Variants in NRXN1 observed in about 807,000 individuals in gnomAD.
The protein encoded by NRXN1 is neurexin-1.
NRXN1 carries 39 observed loss-of-function variants against 150.9 expected under a neutral mutation model. That is an observed-to-expected ratio of 0.26 (90% CI 0.20 to 0.34). The LOEUF is 0.34. Ranked by LOEUF, NRXN1 falls within the 10% of genes least tolerant of loss-of-function variation. The probability of loss-of-function intolerance (pLI) is 1.00; values close to 1 mark genes in which losing one functional copy is unlikely to be tolerated. For missense variants in NRXN1, 1,815 were observed against 1,949.9 expected (o/e 0.93, Z 1.30); for synonymous variants, 924 against 757.0 (o/e 1.22, Z -3.62).
At chr2:50,654,425 A>G (rs1448904327) in intron 5 of NRXN1, among the ~76,000 whole-genome samples, 2 of 151,700 alleles carry the variant, frequency 1.3e-5, no homozygotes, top group Non-Finnish European at 2.9e-5. Flanking sequence ...AATCTAGTCT[A>G]TCATTGTTGG....
chr2:50,583,006 C>A (rs1164405186), intron 8 of NRXN1, among the ~76,000 whole-genome samples: 1 of 151,950 alleles, frequency 6.6e-6, no homozygotes, highest in African/African-American at 2.4e-5. Context: ...TCTCTCTGAT[C>A]CCATTATTCA....
chr2:50,479,808 C>G (rs1382272193), intron 15 of NRXN1, among the ~76,000 whole-genome samples: 2 of 101,944 alleles, frequency 2.0e-5, no homozygotes, highest in South Asian at 3.3e-4. Context: ...GAGTCTTGCT[C>G]CGTTGCCCAG....
At chr2:50,023,886 A>G (rs2152562061) in intron 21 of NRXN1, 1 of 152,358 alleles carries the variant, frequency 6.6e-6, no homozygotes, top group Admixed American at 6.5e-5. Context: ...TATGCCACCA[A>G]GAAAAATTAA....
At chr2:49,984,617 C>G (rs1434496338) in intron 21 of NRXN1, among the ~76,000 whole-genome samples, 1 of 151,800 alleles carries the variant, frequency 6.6e-6, no homozygotes, top group Non-Finnish European at 1.5e-5. Flanking sequence ...TGGGCCATTT[C>G]TTTACTTAGT....
At chr2:50,747,566 C>T (rs1700159327) in intron 5 of NRXN1, among the ~76,000 whole-genome samples, 1 of 152,074 alleles carries the variant, frequency 6.6e-6, no homozygotes, top group South Asian at 2.1e-4. Context: ...GGAATTCCAA[C>T]TTCGATTCAG....
intron 17 of NRXN1, among the ~76,000 whole-genome samples, chr2:50,249,581 T>G (rs573372800): frequency 3.0e-4 from 45 of 152,218 alleles, no homozygotes; most frequent in African/African-American, 1.0e-3. Flanking sequence ...GACATAGCTC[T>G]GAAATCCAGC....
At chr2:50,569,353 C>G (rs1479121243) in intron 8 of NRXN1, among the ~76,000 whole-genome samples, 1 of 151,944 alleles carries the variant, frequency 6.6e-6, no homozygotes, top group Non-Finnish European at 1.5e-5. Flanking sequence ...CCCCAGTTAC[C>G]TTCATGTGAT....
intron 2 of NRXN1, among the ~76,000 whole-genome samples, chr2:50,957,942 A>C (rs1692529995): frequency 6.6e-6 from 1 of 152,140 alleles, no homozygotes. Flanking sequence ...AAAACAAGGG[A>C]TCATTCAAGA....
chr2:50,357,285 C>CATTTATTTATTT (rs149751076), intron 17 of NRXN1, among the ~76,000 whole-genome samples: 25,877 of 140,460 alleles, frequency 0.18, 2,768 homozygotes, highest in East Asian at 0.35. Context: ...ATAAATAATA[C>CATTTATTTATTT]ATTTATTTAT....
intron 17 of NRXN1, among the ~76,000 whole-genome samples, chr2:50,411,566 C>T (rs1010117027): frequency 6.6e-6 from 1 of 152,174 alleles, no homozygotes; most frequent in African/African-American, 2.4e-5. Flanking sequence ...GCTGCGACCC[C>T]GTCTGGGAAC....
chr2:51,021,534 T>C (rs1054506066), intron 2 of NRXN1, among the ~76,000 whole-genome samples: 1 of 148,318 alleles, frequency 6.7e-6, no homozygotes, highest in Non-Finnish European at 1.5e-5. Context: ...AAACTGAACA[T>C]ATCAGTGACA....
intron 18 of NRXN1, among the ~76,000 whole-genome samples, chr2:50,155,394 C>T: frequency 6.7e-6 from 1 of 150,082 alleles, no homozygotes. Flanking sequence ...TTCCCTATCC[C>T]TAAAATACAA....
At chr2:50,876,529 T>A (rs1480341796) in intron 5 of NRXN1, among the ~76,000 whole-genome samples, 1 of 151,808 alleles carries the variant, frequency 6.6e-6, no homozygotes, top group African/African-American at 2.4e-5. Flanking sequence ...ATAAGGACAT[T>A]CACCTTTCTG....
At chr2:50,443,912 T>G (rs923750176) in intron 17 of NRXN1, among the ~76,000 whole-genome samples, 5 of 152,184 alleles carry the variant, frequency 3.3e-5, no homozygotes, top group African/African-American at 4.8e-5. Flanking sequence ...AAAAATAACT[T>G]AAATATTTGA....
At chr2:50,132,569 C>T (rs955294978) in intron 18 of NRXN1, among the ~76,000 whole-genome samples, 2 of 151,944 alleles carry the variant, frequency 1.3e-5, no homozygotes, top group African/African-American at 4.8e-5. Flanking sequence ...CCTCCCAAAG[C>T]GCTGAGATTA....
intron 5 of NRXN1, among the ~76,000 whole-genome samples, chr2:50,704,999 T>C (rs565480429): frequency 1.2e-4 from 18 of 151,906 alleles, no homozygotes; most frequent in Non-Finnish European, 2.5e-4. Flanking sequence ...TTATGCAGCT[T>C]AATAACTTAC....
chr2:51,013,455 T>G (rs762495617), intron 2 of NRXN1, among the ~76,000 whole-genome samples: 6 of 123,542 alleles, frequency 4.9e-5, no homozygotes, highest in Non-Finnish European at 9.1e-5. Context: ...AATAGAGTTG[T>G]TTTTTTTTTT....
chr2:50,802,947 G>A (rs79800061), intron 5 of NRXN1, among the ~76,000 whole-genome samples: 1 of 152,152 alleles, frequency 6.6e-6, no homozygotes. Flanking sequence ...CAGAAGCAGA[G>A]TGACCCTGCC....
intron 18 of NRXN1, among the ~76,000 whole-genome samples, chr2:50,230,919 A>G (rs996135778): frequency 7.9e-5 from 12 of 152,108 alleles, no homozygotes. Flanking sequence ...TTTACACCTC[A>G]GAAGTTTGGA....
Sources: allele counts gnomAD v4.1 joint callset (sites outside exome capture counted in the v4.1 genomes callset), GRCh38; gene constraint gnomAD v4.1.1; transcripts MANE v1.5; gene names NCBI Gene and HGNC (gene_info 2026-07-23, HGNC 2026-07-21).